NIBAN3: variants seen among roughly 807,000 people sequenced by gnomAD.
NIBAN3 encodes protein Niban 3.
Under a neutral mutation model 76.4 loss-of-function variants are expected in NIBAN3, and 66 were observed. The observed-to-expected ratio is 0.86, with a 90% CI of 0.71 to 1.06. The LOEUF is 1.06. NIBAN3 is among the 50% of genes least tolerant of loss of function. NIBAN3 has a pLI of 0.00. For synonymous variants in NIBAN3, 360 were observed against 355.2 expected, an observed-to-expected ratio of 1.01 and a Z score of -0.15; for missense variants, 808 against 810.7, an observed-to-expected ratio of 1.00 and a Z score of 0.04.
At chr19:17,553,967 T>C, downstream of NIBAN3, 1 of 158,540 alleles carries the variant, frequency 6.3e-6, no homozygotes, top group South Asian at 1.7e-4. Context: ...ACCTCCTGGG[T>C]TCAAGTGATT....
In NIBAN3 at chr19:17,530,887, TG is replaced by T. The variant is rs780243893; in HGVS notation, c.186+5del. ...GGAAGCCAGTTGCTACGCAGCAAAG[TG>T]GGTGTTGTGGGGGCAGAGGACGTTT... On this transcript the variant is annotated splice_donor_region_variant and intron_variant, in intron 2 of 14. Coordinates refer to ENST00000599164, the MANE Select transcript of NIBAN3 (RefSeq NM_001321827.2). The T allele has an allele frequency of 2.5e-6, 4 of 1,612,384 alleles. No individual in the cohort carries two copies. In the South Asian group the frequency reaches 3.3e-5, roughly 13 times the overall value.
At chr19:17,524,840 A>G (rs2075589560), upstream of NIBAN3, among the ~76,000 whole-genome samples, 1 of 152,146 alleles carries the variant, frequency 6.6e-6, no homozygotes, top group Non-Finnish European at 1.5e-5. Context: ...CATTGTGTCC[A>G]CGTTCCAGCT....
intron 10 of NIBAN3, 25 bp from the exon 11 acceptor site, chr19:17,543,292 G>A: frequency 6.8e-7 from 1 of 1,473,798 alleles, no homozygotes. Context: ...AGATTCTGGG[G>A]TCATCATAGC....
downstream of NIBAN3, chr19:17,553,709 C>A: frequency 9.5e-6 from 7 of 736,632 alleles, no homozygotes; most frequent in Non-Finnish European, 1.4e-5. Context: ...ACAATTGCAG[C>A]TACAAGAATT....
chr19:17,555,272 C>G (rs1423298535), downstream of NIBAN3, among the ~76,000 whole-genome samples: 1 of 152,168 alleles, frequency 6.6e-6, no homozygotes, highest in Non-Finnish European at 1.5e-5. Context: ...TGGCAAAACC[C>G]ACGTTGCAGC....
rs1158014029 is a variant in NIBAN3, at chr19:17,533,569, T to G, written c.313-18T>G. 6.3e-7 allele frequency: 1 copy of G among 1,585,276 alleles called. No individual in the cohort carries two copies. The highest frequency in any genetic ancestry group is 8.7e-7 in the Non-Finnish European group (1 of 1,153,852). ...GTTCAGACCTGTCCCAGGTTGGTTC[T>G]CTGGGTACCTTTTGTAGGAATATGA... On this transcript the variant is annotated intron_variant, in intron 3 of 14. Coordinates refer to ENST00000599164, the MANE Select transcript of NIBAN3 (RefSeq NM_001321827.2).
chr19:17,554,779 CA>C (rs66782675), downstream of NIBAN3, among the ~76,000 whole-genome samples: 37 of 118,278 alleles, frequency 3.1e-4, no homozygotes, highest in East Asian at 1.0e-3. Flanking sequence ...GACGCTGTCT[CA>C]AAAAAAAAAA....
At chr19:17,549,780 C>T in intron 14 of NIBAN3, 1 of 545,538 alleles carries the variant, frequency 1.8e-6, no homozygotes, top group Non-Finnish European at 3.3e-6. Context: ...CCCTGGGGGG[C>T]TGAGATTGTG....
chr19:17,531,852 G>A (rs760104716), intron 2 of NIBAN3, among the ~76,000 whole-genome samples: 3 of 152,170 alleles, frequency 2.0e-5, no homozygotes, highest in Non-Finnish European at 4.4e-5. Flanking sequence ...GAGCCATGAG[G>A]TTGTGTGCCC....
chr19:17,523,434 G>A, upstream of NIBAN3: 1 of 1,562,522 alleles, frequency 6.4e-7, no homozygotes, highest in East Asian at 2.3e-5. Flanking sequence ...GAGTGAGGAA[G>A]TGGGATGGGG....
chr19:17,545,166 TTTTA>T (rs1382144500), intron 12 of NIBAN3: 1 of 26,022 alleles, frequency 3.8e-5, no homozygotes, highest in African/African-American at 1.4e-4. Flanking sequence ...ATTTTATTTA[TTTTA>T]TTTTATTTTA....
Position 17,542,756 on chromosome 19 carries a change from G to A in NIBAN3, c.1329+462G>A, listed in dbSNP as rs926593195. Among the ~76,000 whole-genome samples, 4 of 152,170 alleles carry A rather than the reference G, an allele frequency of 2.6e-5. No individual in the cohort carries two copies. The highest frequency in any genetic ancestry group is 9.7e-5 in the African/African-American group (4 of 41,444). On this transcript the variant is annotated intron_variant, in intron 10 of 14. Transcript: ENST00000599164. This position sits in a 1 kb window ranked among gnomAD's most constrained non-coding sequence, Gnocchi z 4.8. ...CTGAGGGCAATGGGGAGCCAGAGCAGGTATGTGAGCAGGGGGAGGGCATGG... is the reference window on the plus strand; with the variant it reads ...CTGAGGGCAATGGGGAGCCAGAGCAAGTATGTGAGCAGGGGGAGGGCATGG...
In NIBAN3 at chr19:17,553,253, G is replaced by T. The variant is rs1599769160; in HGVS notation, c.*1355G>T. The T allele has an allele frequency of 3.1e-6, 5 of 1,590,282 alleles. No homozygotes were observed. In the Admixed American group the frequency reaches 8.8e-5, roughly 28 times the overall value. On this transcript the variant is annotated 3_prime_UTR_variant, in exon 15 of 15. Transcript: ENST00000599164. ...AGGATATGAACGCTTTGTGATACAGGTTACAGATTTTGGGGTTTTTTTCTC... is the reference window on the plus strand; with the variant it reads ...AGGATATGAACGCTTTGTGATACAGTTTACAGATTTTGGGGTTTTTTTCTC...
chr19:17,530,952 C>T (rs2075710595), intron 2 of NIBAN3, 67 bp downstream of exon 2: 3 of 1,537,018 alleles, frequency 2.0e-6, no homozygotes, highest in Middle Eastern at 1.8e-4. Flanking sequence ...CCTCCCTAGG[C>T]CATGCTTCCA....
Position 17,542,202 on chromosome 19 carries a change from C to A in NIBAN3, c.1237C>A (p.Arg413=), listed in dbSNP as rs368873219. ...LMQTCYREAE[R]SRGRLGQLAA... ...GCAGACATGCTACCGTGAGGCCGAG[C>A]GGAGCCGGGGGCGCTTGGGGCAGCT... Residue 413 remains arginine (R), a synonymous_variant, in exon 10 of 15, where the codon CGG becomes AGG. Transcript: ENST00000599164. This position sits in a 1 kb window ranked among gnomAD's most constrained non-coding sequence, Gnocchi z 4.8. 2 of 1,614,046 alleles carry A rather than the reference C, an allele frequency of 1.2e-6. No individual in the cohort carries two copies. The highest frequency in any genetic ancestry group is 2.2e-5 in the East Asian group (1 of 44,870).
At chr19:17,541,245 AC>A in intron 9 of NIBAN3, among the ~76,000 whole-genome samples, 1 of 146,288 alleles carries the variant, frequency 6.8e-6, no homozygotes, top group East Asian at 1.9e-4. Flanking sequence ...ATACATACAT[AC>A]ATACATACAT....
At position 17,539,515 on chromosome 19, in the gene NIBAN3, G is replaced by A. The variant is rs2075898126; in HGVS notation, c.816+64G>A. On this transcript the variant is annotated intron_variant, in intron 7 of 14. Coordinates refer to ENST00000599164, the MANE Select transcript of NIBAN3 (RefSeq NM_001321827.2). ...GCGGGCGTTCGGGTTCCCCTCCCAC[G>A]ACTGTCGCCTAAACCCTCTCCCGAT... The A allele has an allele frequency of 2.1e-6, 3 of 1,459,732 alleles. No individual in the cohort carries two copies. The South Asian group carries it at 4.2e-5, about 21-fold the overall frequency. The allele number at this position is 1,459,732 out of a possible 1,614,324, so 90.4% of individuals were successfully genotyped here.
rs1411920961 is a variant in NIBAN3, at chr19:17,537,679, T to A, written c.595+136T>A. 3 of 771,896 alleles carry A rather than the reference T, an allele frequency of 3.9e-6. No homozygotes were observed. In the East Asian group the frequency reaches 8.6e-5, roughly 22 times the overall value. 47.8% of individuals were successfully genotyped at this position (771,896 alleles called of 1,614,324 possible). A position where few individuals can be genotyped will look rare whatever the true frequency, so the allele number is the denominator to read the frequency against. On this transcript the variant is annotated intron_variant, in intron 5 of 14. Coordinates refer to ENST00000599164, the MANE Select transcript of NIBAN3 (RefSeq NM_001321827.2). ...TGGGTTTTTAGGCCAGGTGTGGTGG[T>A]TCATGCCTGTAATTCTAGCATTTTG...
chr19:17,548,134 G>A (rs2076093309), intron 13 of NIBAN3, among the ~76,000 whole-genome samples: 1 of 152,168 alleles, frequency 6.6e-6, no homozygotes, highest in Non-Finnish European at 1.5e-5. Flanking sequence ...CCTGCTTCCT[G>A]AGTTCATTCA....
Sources: allele counts gnomAD v4.1 joint callset (sites outside exome capture counted in the v4.1 genomes callset), GRCh38; gene constraint gnomAD v4.1.1; non-coding constraint Gnocchi (gnomAD v3.1); transcripts MANE v1.5; gene names NCBI Gene and HGNC (gene_info 2026-07-23, HGNC 2026-07-21).